The following AKNA variants were observed in gnomAD, a reference collection of about 807,000 sequenced individuals.
The protein encoded by AKNA is AT-hook transcription factor.
Under a neutral mutation model 138.8 loss-of-function variants are expected in AKNA, and 67 were observed. The observed-to-expected ratio is 0.48, with a 90% CI of 0.40 to 0.59. The LOEUF is 0.59. Among genes scored for constraint, AKNA ranks in the 20% least tolerant of loss-of-function variants. AKNA has a pLI of 0.00. For missense variants in AKNA, 1,813 were observed against 1,880.4 expected, an observed-to-expected ratio of 0.96 and a Z score of 0.66; for synonymous variants, 737 against 754.4, an observed-to-expected ratio of 0.98 and a Z score of 0.38.
chr9:114,368,598 G>A lies in AKNA; in HGVS notation c.1417-3C>T. ...GGTGGGTCAGAGAACAGGTTCACCT[G>A]TGGAAGCAGGGAGGCACAGCACAGC... On this transcript the variant is annotated splice_region_variant and splice_polypyrimidine_tract_variant and intron_variant, in intron 4 of 21. Transcript: ENST00000374088. 7.3e-7 allele frequency: 1 copy of A among 1,372,378 alleles called. No homozygotes were observed. 85.0% of individuals were successfully genotyped at this position (1,372,378 alleles called of 1,614,324 possible). A position where few individuals can be genotyped will look rare whatever the true frequency, so the allele number is the denominator to read the frequency against.
At chr9:114,390,457 C>T (rs1834290025), upstream of AKNA, among the ~76,000 whole-genome samples, 2 of 152,146 alleles carry the variant, frequency 1.3e-5, no homozygotes, top group Admixed American at 1.3e-4. Flanking sequence ...ATAACCAATC[C>T]ATCGTCAACT....
chr9:114,383,771 C>T (rs1352250837), intron 1 of AKNA, among the ~76,000 whole-genome samples: 1 of 152,168 alleles, frequency 6.6e-6, no homozygotes, highest in African/African-American at 2.4e-5. Flanking sequence ...CACAAAGTTC[C>T]CCAGGGAACA....
rs944645022 is a variant in AKNA at position 114,376,814 on chromosome 9, C to T, written c.993G>A (p.Leu331=). 3 of 1,611,692 alleles carry T rather than the reference C, an allele frequency of 1.9e-6. No individual in the cohort carries two copies. The African/African-American group carries it at 4.0e-5, about 22-fold the overall frequency. Residue 331 remains leucine (L), a synonymous_variant, in exon 3 of 22, where the codon CTG becomes CTA. Coordinates refer to ENST00000374088, the MANE Select transcript of AKNA (RefSeq NM_001317950.2). ...QPRPTRQGRP[L]PRQGATLAGR... ...CAGCCAGAGTGGCTCCCTGTCTGGG[C>T]AGCGGCCTGCCCTGCCGCGTTGGCC...
intron 4 of AKNA, among the ~76,000 whole-genome samples, chr9:114,370,279 C>G (rs1338203809): frequency 6.6e-6 from 1 of 152,224 alleles, no homozygotes; most frequent in African/African-American, 2.4e-5. Context: ...TGCTCAGACT[C>G]CCCTGTGGGG....
At chr9:114,347,180 G>A (rs1399334156) in intron 16 of AKNA, among the ~76,000 whole-genome samples, 1 of 152,120 alleles carries the variant, frequency 6.6e-6, no homozygotes, top group African/African-American at 2.4e-5. Flanking sequence ...CTCTTTGGTT[G>A]GGTGGTGGGT....
intron 1 of AKNA, among the ~76,000 whole-genome samples, chr9:114,385,945 C>T (rs1564100169): frequency 6.6e-6 from 1 of 152,190 alleles, no homozygotes; most frequent in Non-Finnish European, 1.5e-5. Context: ...CTTGCATTTT[C>T]CTCACTGTAA....
intron 4 of AKNA, among the ~76,000 whole-genome samples, chr9:114,370,018 C>G (rs990101282): frequency 2.6e-5 from 4 of 152,194 alleles, no homozygotes; most frequent in African/African-American, 9.7e-5. Context: ...ATTTGCTCAT[C>G]ATGATGTTGG....
At chr9:114,359,452 G>T in intron 11 of AKNA, 142 bp downstream of exon 11, 1 of 1,485,428 alleles carries the variant, frequency 6.7e-7, no homozygotes, top group Non-Finnish European at 9.1e-7. Flanking sequence ...GGCTATCAGT[G>T]GTATACATTC....
At chr9:114,390,535 T>A (rs1184187591), upstream of AKNA, among the ~76,000 whole-genome samples, 2 of 152,216 alleles carry the variant, frequency 1.3e-5, no homozygotes, top group African/African-American at 4.8e-5. Flanking sequence ...CGTGGGTCCC[T>A]GGATCGGCCT....
At chr9:114,332,093 C>T (rs1370095938), downstream of AKNA, among the ~76,000 whole-genome samples, 1 of 151,500 alleles carries the variant, frequency 6.6e-6, no homozygotes, top group African/African-American at 2.4e-5. Flanking sequence ...CTACAGAGGC[C>T]CAGGGGTGGT....
At chr9:114,364,949 T>G (rs1027904029) in intron 6 of AKNA, among the ~76,000 whole-genome samples, 9 of 152,168 alleles carry the variant, frequency 5.9e-5, no homozygotes, top group South Asian at 2.1e-4. Flanking sequence ...GTCGGTGGAA[T>G]AGTATTCAGC....
Position 114,346,014 on chromosome 9 carries a change from G to T in AKNA, c.3515-5C>A. 6.2e-7 allele frequency: 1 copy of T among 1,612,586 alleles called. No homozygotes were observed. On this transcript the variant is annotated splice_polypyrimidine_tract_variant and splice_region_variant and intron_variant, in intron 17 of 21. Transcript: ENST00000374088. ...AGGGCAGCTCAGATTCTGAACCTGGGGTAGAAAAAGTGGGGCATCAGAGGG... is the reference window on the plus strand; with the variant it reads ...AGGGCAGCTCAGATTCTGAACCTGGTGTAGAAAAAGTGGGGCATCAGAGGG...
downstream of AKNA, chr9:114,331,842 G>C (rs372380630): frequency 6.2e-7 from 1 of 1,613,606 alleles, no homozygotes; most frequent in Non-Finnish European, 8.5e-7. Context: ...AGCCAGAGAC[G>C]ACCAAGGAGC....
rs368698649 is a variant in AKNA at position 114,368,471 on chromosome 9, G to A, written c.1541C>T (p.Pro514Leu). 1.9e-5 allele frequency: 26 copies of A among 1,334,270 alleles called. No homozygotes were observed. The Admixed American group carries it at 4.9e-4, about 25-fold the overall frequency. 82.7% of individuals were successfully genotyped at this position (1,334,270 alleles called of 1,614,324 possible). A position where few individuals can be genotyped will look rare whatever the true frequency, so the allele number is the denominator to read the frequency against. Residue 514 changes from proline to leucine, a missense_variant, in exon 5 of 22, where the codon CCG (proline) becomes CTG (leucine). Transcript: ENST00000374088. ...CGCAGAGGCCTGGGGGTCCTCGGCC[G>A]GGCCCGGCCACCACTCTGCAGAGCG... is the stretch of plus-strand genomic sequence containing the variant. Reference protein sequence around the residue: ...QPRSAEWWPGPAEDPQASAAS... With the variant: ...QPRSAEWWPGLAEDPQASAAS...
intron 15 of AKNA, among the ~76,000 whole-genome samples, chr9:114,350,324 C>T (rs542953930): frequency 1.6e-4 from 24 of 152,286 alleles, no homozygotes; most frequent in African/African-American, 5.5e-4. Context: ...CCCAGCGCAT[C>T]CCGGGACAGA....
At chr9:114,361,967 G>T (rs1832003850) in intron 8 of AKNA, 56 bp from the exon 9 acceptor site, 2 of 1,570,136 alleles carry the variant, frequency 1.3e-6, no homozygotes, top group African/African-American at 2.7e-5. Context: ...CATCAGGCAG[G>T]TCCAGGAACA....
chr9:114,385,402 G>A (rs1230124529), intron 1 of AKNA, among the ~76,000 whole-genome samples: 3 of 152,242 alleles, frequency 2.0e-5, no homozygotes, highest in Non-Finnish European at 4.4e-5. Context: ...AGGCCTCCTG[G>A]CTCCTGCTGT....
chr9:114,376,922 G>A lies in AKNA; in HGVS notation c.885C>T (p.His295=), dbSNP rs1412533389. The A allele has an allele frequency of 1.9e-6, 3 of 1,614,106 alleles. No homozygotes were observed. Among genetic ancestry groups the A allele is most frequent in the Admixed American group, 1.7e-5 (1 of 60,006 alleles). The part of the protein sequence containing the change: ...TRFFCPQPKE[H]IWKQTKTSPK... ...GTGACGTCTTTGTCTGCTTCCAGAT[G>A]TGTTCCTTGGGCTGAGGGCAGAAGA... Residue 295 remains histidine, a synonymous_variant, in exon 3 of 22, where the codon CAC becomes CAT. Coordinates refer to ENST00000374088, the MANE Select transcript of AKNA (RefSeq NM_001317950.2).
In AKNA at chr9:114,368,541, C is replaced by A; in HGVS notation, c.1471G>T (p.Val491Leu). 7.2e-7 allele frequency: 1 copy of A among 1,390,038 alleles called. No individual in the cohort carries two copies. The allele number at this position is 1,390,038 out of a possible 1,614,324, so 86.1% of individuals were successfully genotyped here. Residue 491 changes from valine to leucine, a missense_variant, in exon 5 of 22, where the codon GTG (valine) becomes TTG (leucine). By Grantham distance (32) the Val-to-Leu change is conservative. Coordinates refer to ENST00000374088, the MANE Select transcript of AKNA (RefSeq NM_001317950.2). ...GACAAGACCTTGGTCCCCTGGGGCA[C>A]CATTCCCGTGTGGATGCTGTGGTTG... ...QPNHSIHTGMVPQGTKVLSFT... is the reference protein window; with the variant it reads ...QPNHSIHTGMLPQGTKVLSFT...
Sources: allele counts gnomAD v4.1 joint callset (sites outside exome capture counted in the v4.1 genomes callset), GRCh38; gene constraint gnomAD v4.1.1; transcripts MANE v1.5; gene names NCBI Gene and HGNC (gene_info 2026-07-23, HGNC 2026-07-21).